Variants in SRPRA observed in about 807,000 individuals in gnomAD.
The protein encoded by SRPRA is SRP receptor subunit alpha.
SRPRA carries 30 observed loss-of-function variants against 61.1 expected under a neutral mutation model. That is an observed-to-expected ratio of 0.49 (90% CI 0.37 to 0.67). The LOEUF is 0.67. SRPRA is among the 30% of genes least tolerant of loss of function. The pLI is 0.00. For synonymous variants in SRPRA, 324 were observed against 299.7 expected (o/e 1.08, Z -0.84); for missense variants, 759 against 828.4 (o/e 0.92, Z 1.03).
At chr11:126,249,193 A>G in the SRPRA span, among the ~76,000 whole-genome samples, 1 of 152,162 alleles carries the variant, frequency 6.6e-6, no homozygotes, top group Non-Finnish European at 1.5e-5. Context: ...TGGACAACAT[A>G]GCCAGACCTC....
chr11:126,257,784 G>A, the SRPRA span, among the ~76,000 whole-genome samples: 2 of 152,014 alleles, frequency 1.3e-5, no homozygotes, highest in Non-Finnish European at 2.9e-5. Flanking sequence ...ATTTGGAAAC[G>A]GATAATGGTG....
chr11:126,250,769 G>A, the SRPRA span: 1 of 1,483,096 alleles, frequency 6.7e-7, no homozygotes, highest in East Asian at 2.3e-5. This position sits in a 1 kb window ranked among gnomAD's most constrained non-coding sequence, Gnocchi z 5.1. Context: ...CTTCAGGCTA[G>A]TGGATTTTAT....
At position 126,263,544 on chromosome 11, in the gene SRPRA, A is replaced by T. The variant is rs746551406; in HGVS notation, c.*372T>A. The T allele has an allele frequency of 5.7e-4, 109 of 190,002 alleles. No individual in the cohort carries two copies. Among genetic ancestry groups the T allele is most frequent in the Non-Finnish European group, 1.1e-3 (95 of 90,112 alleles). The allele number at this position is 190,002 out of a possible 1,614,324, so 11.8% of individuals were successfully genotyped here. On this transcript the variant is annotated 3_prime_UTR_variant, in exon 14 of 14. Coordinates refer to ENST00000332118, the MANE Select transcript of SRPRA (RefSeq NM_003139.4). ...CTGGAAGAGTCTCTTAACCTAATGC[A>T]GCTGGGACTCATTAGGCTCAGACGG...
At chr11:126,250,453 C>T in the SRPRA span, 4 of 1,277,022 alleles carry the variant, frequency 3.1e-6, no homozygotes. This position sits in a 1 kb window ranked among gnomAD's most constrained non-coding sequence, Gnocchi z 5.1. Flanking sequence ...ACTAAAACAA[C>T]TGACCTACCA....
At chr11:126,236,415 G>A in the SRPRA span, among the ~76,000 whole-genome samples, 5 of 152,114 alleles carry the variant, frequency 3.3e-5, no homozygotes, top group Admixed American at 1.3e-4. Flanking sequence ...TAGCCACTCT[G>A]TTCTGATTCC....
chr11:126,261,377 A>C (rs752585504), downstream of SRPRA: 19 of 1,515,534 alleles, frequency 1.3e-5, no homozygotes, highest in Non-Finnish European at 1.7e-5. Flanking sequence ...TGCTATTAAT[A>C]GTTTTAGCTT....
chr11:126,266,884 C>T lies in SRPRA; in HGVS notation c.565G>A (p.Ala189Thr), dbSNP rs1312852997. The T allele has an allele frequency of 3.1e-6, 5 of 1,614,072 alleles. No homozygotes were observed. The highest frequency in any genetic ancestry group is 1.3e-5 in the African/African-American group (1 of 74,926). The change falls in exon 5 of 14, where the codon GCA becomes ACA. Residue 189 changes from alanine to threonine, a missense_variant. This residue lies in a region of SRPRA where 475 missense variants were observed against 462.5 expected (regional missense o/e 1.03). Transcript: ENST00000332118. Reference protein sequence around the residue: ...GPLATSKPVPAEKSGLPVGPE... With the variant: ...GPLATSKPVPTEKSGLPVGPE... The stretch of plus-strand genomic sequence containing the variant: ...CCCACTGGAAGACCTGACTTTTCTG[C>T]AGGGACTGGTTTGCTGGTAGCCAAA...
the SRPRA span, among the ~76,000 whole-genome samples, chr11:126,246,643 T>A: frequency 6.6e-6 from 1 of 152,170 alleles, no homozygotes; most frequent in Non-Finnish European, 1.5e-5. Context: ...GGTCTCCCTG[T>A]GTTGCCCAGG....
Position 126,268,763 on chromosome 11 carries a change from C to T in SRPRA, c.42G>A (p.Val14=), listed in dbSNP as rs1282667221. The T allele has an allele frequency of 6.2e-7, 1 of 1,613,830 alleles. No individual in the cohort carries two copies. The stretch of plus-strand genomic sequence containing the variant: ...CGCTAACGCCCTGGAAGCACCAGAG[C>T]ACAAGCCCGCCCTTGGAGAAAATGG... ...FFTIFSKGGL[V]LWCFQGVSDS... The change falls in exon 1 of 14, where the codon GTG becomes GTA. Residue 14 remains valine, a synonymous_variant. Transcript: ENST00000332118.
downstream of SRPRA, chr11:126,261,506 T>C (rs1173472611): frequency 6.3e-7 from 1 of 1,591,286 alleles, no homozygotes; most frequent in Non-Finnish European, 8.6e-7. Flanking sequence ...CCTATTCTAC[T>C]ATTTATCACT....
chr11:126,250,567 T>TG, the SRPRA span: 2 of 1,614,020 alleles, frequency 1.2e-6, no homozygotes, highest in Non-Finnish European at 1.7e-6. This position sits in a 1 kb window ranked among gnomAD's most constrained non-coding sequence, Gnocchi z 5.1. Context: ...TTTGATGACT[T>TG]GGAGTCAAAG....
the SRPRA span, chr11:126,256,487 A>G: frequency 1.5e-6 from 2 of 1,372,026 alleles, no homozygotes; most frequent in Non-Finnish European, 1.0e-6. This position sits in a 1 kb window ranked among gnomAD's most constrained non-coding sequence, Gnocchi z 6.6. Context: ...CAGTCTGCTC[A>G]ACGTAGCATG....
chr11:126,248,648 G>T, the SRPRA span, among the ~76,000 whole-genome samples: 2 of 152,094 alleles, frequency 1.3e-5, no homozygotes, highest in Non-Finnish European at 2.9e-5. Context: ...GGGATTACAG[G>T]CGTGAGCCAG....
At chr11:126,250,766 C>G in the SRPRA span, 2 of 1,490,244 alleles carry the variant, frequency 1.3e-6, no homozygotes, top group Non-Finnish European at 1.9e-6. The surrounding 1 kb of genome is among the most constrained non-coding windows in gnomAD (Gnocchi z 5.1). Flanking sequence ...CTTCTTCAGG[C>G]TAGTGGATTT....
At chr11:126,255,674 T>G in the SRPRA span, among the ~76,000 whole-genome samples, 4,615 of 152,240 alleles carry the variant, frequency 0.03, 237 homozygotes, top group African/African-American at 0.1. The surrounding 1 kb of genome is among the most constrained non-coding windows in gnomAD (Gnocchi z 4.6). Context: ...TCTGGGCACA[T>G]AAATCTAAAA....
the SRPRA span, among the ~76,000 whole-genome samples, chr11:126,243,903 CA>C: frequency 0.037 from 3,885 of 104,528 alleles, 118 homozygotes; most frequent in African/African-American, 0.11. Flanking sequence ...GACTCCGTCT[CA>C]AAAAAAAAAA....
the SRPRA span, among the ~76,000 whole-genome samples, chr11:126,246,019 G>A: frequency 4.2e-4 from 63 of 148,854 alleles, no homozygotes; most frequent in African/African-American, 1.5e-3. Context: ...AAGAAAGAAA[G>A]AAAGAAAAGA....
the SRPRA span, among the ~76,000 whole-genome samples, chr11:126,257,604 CA>C: frequency 3.8e-5 from 4 of 105,896 alleles, no homozygotes; most frequent in African/African-American, 6.2e-5. Context: ...TAGAATTGTA[CA>C]TTTTTTTTTT....
In SRPRA at chr11:126,265,298, A is replaced by G. The variant is rs1950785114; in HGVS notation, c.1281T>C (p.Asn427=). 1.2e-6 allele frequency: 2 copies of G among 1,614,212 alleles called. No individual in the cohort carries two copies. The highest frequency in any genetic ancestry group is 8.5e-7 in the Non-Finnish European group (1 of 1,180,036). ...RPYVVTFCGV[N]GVGKSTNLAK... ...CAAGATTAGTAGATTTCCCCACTCC[A>G]TTAACGCCGCAGAAGGTGACGACAT... is the stretch of plus-strand genomic sequence containing the variant. Residue 427 remains asparagine (N), a synonymous_variant, in exon 10 of 14, where the codon AAT becomes AAC. Coordinates refer to ENST00000332118, the MANE Select transcript of SRPRA (RefSeq NM_003139.4). The surrounding 1 kb of genome is among the most constrained non-coding windows in gnomAD (Gnocchi z 6.3).
Sources: gnomAD v4.1 joint callset for allele counts (sites outside exome capture counted in the v4.1 genomes callset) on GRCh38, gnomAD v4.1.1 for gene constraint, gnomAD v4.1.1 regional missense constraint, Gnocchi (gnomAD v3.1) non-coding constraint, MANE v1.5 for transcripts, NCBI Gene and HGNC (gene_info 2026-07-23, HGNC 2026-07-21) for gene names.